Variants in PNLIPRP3 observed in about 807,000 individuals in gnomAD.
PNLIPRP3 encodes pancreatic lipase related protein 3, also known as pancreatic lipase-related protein 3.
In PNLIPRP3, 58 loss-of-function variants were observed where a neutral mutation model predicts 52.8. The ratio of observed to expected loss-of-function variants is 1.10; its 90% CI spans 0.89 to 1.37. The LOEUF is 1.37. PNLIPRP3 is among the 40% of genes most tolerant of loss of function. The pLI is 0.00. For missense variants in PNLIPRP3, 593 were observed against 561.6 expected, an observed-to-expected ratio of 1.06 and a Z score of -0.57; for synonymous variants, 192 against 185.0, an observed-to-expected ratio of 1.04 and a Z score of -0.31.
chr10:116,468,470 G>A (rs973530232), intron 8 of PNLIPRP3, among the ~76,000 whole-genome samples: 100 of 152,086 alleles, frequency 6.6e-4, no homozygotes, highest in African/African-American at 2.3e-3. Context: ...CGTGATTCAG[G>A]GAAATGAAAC....
intron 5 of PNLIPRP3, among the ~76,000 whole-genome samples, chr10:116,458,199 C>T (rs1405568189): frequency 3.3e-5 from 5 of 152,260 alleles, no homozygotes; most frequent in East Asian, 3.9e-4. Flanking sequence ...ACAGTATCAA[C>T]GCTTTTCTTA....
intron 1 of PNLIPRP3, among the ~76,000 whole-genome samples, chr10:116,428,481 C>T (rs1845667670): frequency 6.6e-6 from 1 of 152,060 alleles, no homozygotes; most frequent in Admixed American, 6.6e-5. Context: ...TTTCCAAATT[C>T]TGTAGCTGAC....
At chr10:116,466,236 A>C in intron 8 of PNLIPRP3, 68 bp downstream of exon 8, 1 of 1,178,584 alleles carries the variant, frequency 8.5e-7, no homozygotes, top group Non-Finnish European at 1.2e-6. Context: ...ATCCAGCTAA[A>C]CATTAGGGCT....
chr10:116,476,001 C>T (rs1361721424), intron 10 of PNLIPRP3, among the ~76,000 whole-genome samples: 1 of 152,048 alleles, frequency 6.6e-6, no homozygotes, highest in East Asian at 1.9e-4. Context: ...GGTTTGGGTG[C>T]CACGACCAAT....
intron 5 of PNLIPRP3, among the ~76,000 whole-genome samples, chr10:116,460,405 G>C (rs889543948): frequency 1.3e-5 from 2 of 152,218 alleles, no homozygotes; most frequent in South Asian, 2.1e-4. Context: ...AATGGGATGA[G>C]AGTCTGGACA....
At chr10:116,456,882 T>C (rs1283981388) in intron 5 of PNLIPRP3, among the ~76,000 whole-genome samples, 1 of 152,190 alleles carries the variant, frequency 6.6e-6, no homozygotes, top group East Asian at 1.9e-4. Context: ...CTTGCCTGCA[T>C]TTTGGCCTTG....
chr10:116,430,445 C>T (rs1021845465), intron 1 of PNLIPRP3, among the ~76,000 whole-genome samples: 7 of 152,068 alleles, frequency 4.6e-5, no homozygotes, highest in Admixed American at 2.0e-4. Flanking sequence ...ATAGTCAGTA[C>T]GGTATGTGAT....
chr10:116,443,954 CTAGACT>C (rs1845903786), intron 3 of PNLIPRP3, among the ~76,000 whole-genome samples: 1 of 151,194 alleles, frequency 6.6e-6, no homozygotes, highest in Admixed American at 6.6e-5. Flanking sequence ...AAGAACTGCC[CTAGACT>C]GGGTAATTTA....
In PNLIPRP3 at chr10:116,469,247, T is replaced by C. The variant is rs1846328557; in HGVS notation, c.990T>C (p.Phe330=). ...CAATGGGTCATTTTGCTGATAGATT[T>C]CACTTCAAAAATATGAAGACTAATG... ...CPTMGHFADR[F]HFKNMKTNGS... is the part of the protein sequence containing the mutation. The change falls in exon 9 of 12, where the codon TTT becomes TTC. Residue 330 remains phenylalanine, a synonymous_variant. Transcript: ENST00000369230. The C allele has an allele frequency of 1.2e-6, 2 of 1,612,424 alleles. No individual in the cohort carries two copies. The highest frequency in any genetic ancestry group is 1.7e-5 in the Admixed American group (1 of 59,772).
At chr10:116,440,895 A>T (rs953561487) in intron 2 of PNLIPRP3, among the ~76,000 whole-genome samples, 1 of 152,186 alleles carries the variant, frequency 6.6e-6, no homozygotes, top group Admixed American at 6.5e-5. Context: ...TAGAGATGAT[A>T]TCACTGGAAA....
intron 10 of PNLIPRP3, among the ~76,000 whole-genome samples, chr10:116,474,798 A>T (rs1846433365): frequency 6.6e-6 from 1 of 152,234 alleles, no homozygotes; most frequent in Admixed American, 6.5e-5. Context: ...GTCAAAAAAT[A>T]ACATGCTGGT....
At chr10:116,449,331 T>A (rs1263228586) in intron 4 of PNLIPRP3, among the ~76,000 whole-genome samples, 1 of 152,214 alleles carries the variant, frequency 6.6e-6, no homozygotes. Context: ...TTTAACTACA[T>A]GCTGTCTACA....
At chr10:116,460,930 C>T (rs1363815295) in intron 5 of PNLIPRP3, 36 bp from the exon 6 acceptor site, 2 of 1,605,702 alleles carry the variant, frequency 1.2e-6, no homozygotes, top group South Asian at 1.1e-5. Context: ...TTAATGTGCA[C>T]TTCCATAGAA....
chr10:116,467,442 C>T (rs1418596470), intron 8 of PNLIPRP3, among the ~76,000 whole-genome samples: 2 of 152,112 alleles, frequency 1.3e-5, no homozygotes, highest in Non-Finnish European at 2.9e-5. Flanking sequence ...TACAGTAGCC[C>T]TAGCCTAAAT....
intron 2 of PNLIPRP3, among the ~76,000 whole-genome samples, chr10:116,438,713 T>G (rs1241991013): frequency 1.3e-5 from 2 of 152,194 alleles, no homozygotes; most frequent in Non-Finnish European, 2.9e-5. Context: ...AATCAAGGTA[T>G]GTACTTAAAA....
chr10:116,439,314 A>C lies in PNLIPRP3; in HGVS notation c.204+2449A>C, dbSNP rs553898528. 3.3e-5 allele frequency among the ~76,000 whole-genome samples: 5 copies of C among 152,328 alleles called. No homozygotes were observed. The South Asian group carries it at 1.0e-3, about 32-fold the overall frequency. Reference sequence around the variant, plus strand: ...GTAAACCACTGACTATTTCTAGAGCACTTTGAGAGACTACAATATGATCAT... The same window carrying C: ...GTAAACCACTGACTATTTCTAGAGCCCTTTGAGAGACTACAATATGATCAT... On this transcript the variant is annotated intron_variant, in intron 2 of 11. Transcript: ENST00000369230.
rs766343777 is a variant in PNLIPRP3 at position 116,444,398 on chromosome 10, A to G, written c.341A>G (p.Glu114Gly). ...RDMCNVLLQL[E>G]DINCINLDWI... ...TTGTGCCAGGTGTTGCTACAGCTGG[A>G]AGATATAAATTGCATTAATTTAGAT... Residue 114 changes from glutamate (E) to glycine (G), a missense_variant, in exon 4 of 12, where the codon GAA becomes GGA. Glu to Gly is a moderately conservative substitution (Grantham distance 98). Coordinates refer to ENST00000369230, the MANE Select transcript of PNLIPRP3 (RefSeq NM_001011709.3). 29 of 1,608,368 alleles carry G rather than the reference A, an allele frequency of 1.8e-5. No individual in the cohort carries two copies. Among genetic ancestry groups the G allele is most frequent in the Non-Finnish European group, 2.0e-5 (24 of 1,176,982 alleles).
Position 116,427,917 on chromosome 10 carries a change from C to A in PNLIPRP3, c.-96C>A. The A allele has an allele frequency of 1.1e-6, 1 of 878,652 alleles. No individual in the cohort carries two copies. The highest frequency in any genetic ancestry group is 1.9e-6 in the Non-Finnish European group (1 of 524,728). 54.4% of individuals were successfully genotyped at this position (878,652 alleles called of 1,614,324 possible). On this transcript the variant is annotated 5_prime_UTR_variant, in exon 1 of 12. Transcript: ENST00000369230. ...GTAGAGTTTAAACATTGAGTTGCAT[C>A]ATTGTGAGGAAAACCACTTAGTATT...
At chr10:116,429,102 T>A (rs959136721) in intron 1 of PNLIPRP3, among the ~76,000 whole-genome samples, 1 of 152,108 alleles carries the variant, frequency 6.6e-6, no homozygotes, top group Admixed American at 6.6e-5. Flanking sequence ...TCTAAACTTC[T>A]CCAAAATCTG....
Sources: allele counts gnomAD v4.1 joint callset (sites outside exome capture counted in the v4.1 genomes callset), GRCh38; gene constraint gnomAD v4.1.1; transcripts MANE v1.5; gene names NCBI Gene and HGNC (gene_info 2026-07-23, HGNC 2026-07-21).